CTTNBP2: variants seen among roughly 807,000 people sequenced by gnomAD.
CTTNBP2 encodes cortactin-binding protein 2.
In CTTNBP2, 108 loss-of-function variants were observed where a neutral mutation model predicts 156.9. The ratio of observed to expected loss-of-function variants is 0.69; its 90% CI spans 0.59 to 0.81. The LOEUF (loss-of-function observed/expected upper bound fraction) is 0.81. Ranked by LOEUF, CTTNBP2 falls within the 30% of genes least tolerant of loss-of-function variation. The pLI, the probability that CTTNBP2 is intolerant of heterozygous loss-of-function variation, is 0.00. For synonymous variants in CTTNBP2, 767 were observed against 751.8 expected (o/e 1.02, Z -0.33); for missense variants, 1,924 against 2,035.4 (o/e 0.95, Z 1.05).
At chr7:117,739,412 A>G (rs1432457702) in intron 14 of CTTNBP2, among the ~76,000 whole-genome samples, 3 of 152,066 alleles carry the variant, frequency 2.0e-5, no homozygotes, top group Non-Finnish European at 4.4e-5. Flanking sequence ...CCACTTCAAA[A>G]CGCTATTTCT....
chr7:117,791,278 G>A lies in CTTNBP2; in HGVS notation c.1918C>T (p.Pro640Ser). 6.2e-7 allele frequency: 1 copy of A among 1,614,160 alleles called. No individual in the cohort carries two copies. Among genetic ancestry groups the A allele is most frequent in the Non-Finnish European group, 8.5e-7 (1 of 1,180,022 alleles). The change falls in exon 4 of 23, where the codon CCT (proline) becomes TCT (serine). Residue 640 changes from proline (P) to serine (S), a missense_variant. Coordinates refer to ENST00000160373, the MANE Select transcript of CTTNBP2 (RefSeq NM_033427.3). ...ALATSQVGAW[P>S]AATPGLNQPA... ...TGGTTCAGTCCGGGGGTTGCAGCAGGCCAGGCACCCACCTGAGACGTGGCC... is the reference window on the plus strand; with the variant it reads ...TGGTTCAGTCCGGGGGTTGCAGCAGACCAGGCACCCACCTGAGACGTGGCC...
chr7:117,820,903 A>G (rs7810248), intron 2 of CTTNBP2, among the ~76,000 whole-genome samples: 89,205 of 151,976 alleles, frequency 0.59, 26,179 homozygotes, highest in East Asian at 0.71. Context: ...TTGGTAAGTC[A>G]TTTTATATTC....
Position 117,791,126 on chromosome 7 carries a change from A to G in CTTNBP2, c.2068+2T>C. 1 of 1,611,022 alleles carries G rather than the reference A, an allele frequency of 6.2e-7. No individual in the cohort carries two copies. Reference sequence around the variant, plus strand: ...AAGCGTATAACATTTCAATCCCTTTACCTGATGCTGTTACCAGGAGGCTGT... The same window carrying G: ...AAGCGTATAACATTTCAATCCCTTTGCCTGATGCTGTTACCAGGAGGCTGT... On this transcript the variant is annotated splice_donor_variant, in intron 4 of 22. Transcript: ENST00000160373. LOFTEE classifies it high-confidence loss of function.
chr7:117,740,542 G>C (rs1213654385), intron 14 of CTTNBP2, among the ~76,000 whole-genome samples: 5 of 152,154 alleles, frequency 3.3e-5, no homozygotes, highest in Admixed American at 6.5e-5. Context: ...TCAGGAATCA[G>C]TGTACTCTTC....
chr7:117,791,408 C>T lies in CTTNBP2; in HGVS notation c.1788G>A (p.Arg596=), dbSNP rs2116858614. 1 of 1,614,160 alleles carries T rather than the reference C, an allele frequency of 6.2e-7. No individual in the cohort carries two copies. Among genetic ancestry groups the T allele is most frequent in the South Asian group, 1.1e-5 (1 of 91,082 alleles). Residue 596 remains arginine (R), a synonymous_variant, in exon 4 of 23, where the codon AGG becomes AGA. Transcript: ENST00000160373. ...STPSSLPQGN[R]VINEENLPKS... ...TAGGAAGGTTCTCCTCATTGATCAC[C>T]CTGTTCCCTTGTGGCAAACTGGAAG...
At chr7:117,786,968 C>T (rs1245947331) in intron 4 of CTTNBP2, among the ~76,000 whole-genome samples, 1 of 151,904 alleles carries the variant, frequency 6.6e-6, no homozygotes, top group African/African-American at 2.4e-5. Context: ...TAGAGGTCTG[C>T]AATATATTTT....
At chr7:117,746,920 T>A (rs1310684200) in intron 12 of CTTNBP2, among the ~76,000 whole-genome samples, 1 of 152,196 alleles carries the variant, frequency 6.6e-6, no homozygotes, top group Non-Finnish European at 1.5e-5. Flanking sequence ...AGTTTCAGCA[T>A]GCACTTGGAT....
intron 12 of CTTNBP2, chr7:117,755,536 A>T: frequency 2.1e-6 from 1 of 470,518 alleles, no homozygotes; most frequent in South Asian, 1.6e-5. Flanking sequence ...TAGATGCATG[A>T]CTTTGAGCAT....
In CTTNBP2 at chr7:117,746,115, G is replaced by A. The variant is rs572292237; in HGVS notation, c.3349-16C>T. The A allele has an allele frequency of 1.3e-6, 2 of 1,587,580 alleles. No homozygotes were observed. The highest frequency in any genetic ancestry group is 1.7e-6 in the Non-Finnish European group (2 of 1,156,102). ...ATTGCTCAACCTATTAACAAACCAA[G>A]TAGAGAGCTAGGGTGAAGATGCTAA... On this transcript the variant is annotated splice_polypyrimidine_tract_variant and intron_variant, in intron 12 of 22. Transcript: ENST00000160373.
At chr7:117,738,791 TC>T (rs1224033854) in intron 14 of CTTNBP2, among the ~76,000 whole-genome samples, 1 of 152,100 alleles carries the variant, frequency 6.6e-6, no homozygotes, top group Non-Finnish European at 1.5e-5. Context: ...TGAGGAAGGA[TC>T]CAGGCTGGAG....
At chr7:117,842,406 T>C (rs1423023257) in intron 2 of CTTNBP2, among the ~76,000 whole-genome samples, 1 of 152,126 alleles carries the variant, frequency 6.6e-6, no homozygotes. Flanking sequence ...TTTCACCATG[T>C]TGGCCAGGCC....
chr7:117,811,064 T>C, intron 2 of CTTNBP2, 75 bp from the exon 3 acceptor site: 1 of 1,146,884 alleles, frequency 8.7e-7, no homozygotes, highest in East Asian at 2.5e-5. Flanking sequence ...GAAGGTTTTG[T>C]GATTATACTT....
intron 22 of CTTNBP2, among the ~76,000 whole-genome samples, chr7:117,715,517 T>TGCAACCAAAGATGTGAACTTGTC (rs1794302775): frequency 6.7e-6 from 1 of 149,938 alleles, no homozygotes; most frequent in Admixed American, 6.6e-5. Context: ...GATTTCATCA[T>TGCAACCAAAGATGTGAACTTGTC]GCAACCAAAG....
At chr7:117,734,701 C>T (rs186380596) in intron 16 of CTTNBP2, among the ~76,000 whole-genome samples, 24 of 152,330 alleles carry the variant, frequency 1.6e-4, no homozygotes, top group Non-Finnish European at 3.1e-4. Context: ...CAGCTGATAG[C>T]CACGGTAAAA....
rs769892311 is a variant in CTTNBP2 at position 117,719,786 on chromosome 7, A to G, written c.4512-150T>C. On this transcript the variant is annotated intron_variant, in intron 20 of 22. Coordinates refer to ENST00000160373, the MANE Select transcript of CTTNBP2 (RefSeq NM_033427.3). ...TATTTCATAAATGTCATTTAATGCA[A>G]GAAATTTCCACAGGATTTTGGTAAC... The G allele has an allele frequency of 6.8e-5, 39 of 574,654 alleles. 1 individual carries two copies. The highest frequency in any genetic ancestry group is 1.1e-4 in the Non-Finnish European group (37 of 348,090). The allele number at this position is 574,654 out of a possible 1,614,324, so 35.6% of individuals were successfully genotyped here.
At chr7:117,807,179 A>G (rs1279107394) in intron 3 of CTTNBP2, among the ~76,000 whole-genome samples, 1 of 152,152 alleles carries the variant, frequency 6.6e-6, no homozygotes, top group Non-Finnish European at 1.5e-5. Flanking sequence ...TGGGGAATCA[A>G]AATGCATTTT....
chr7:117,784,157 C>A, intron 5 of CTTNBP2, 94 bp downstream of exon 5: 3 of 920,828 alleles, frequency 3.3e-6, no homozygotes, highest in South Asian at 2.5e-5. Context: ...AAAAATAAAA[C>A]TAAATTGAAC....
At chr7:117,864,906 TATTC>T (rs1804057651) in intron 1 of CTTNBP2, among the ~76,000 whole-genome samples, 1 of 145,088 alleles carries the variant, frequency 6.9e-6, no homozygotes, top group Non-Finnish European at 1.5e-5. Flanking sequence ...TATTCATATA[TATTC>T]ATTCAATATA....
At chr7:117,872,764 C>A (rs1804704486) in intron 1 of CTTNBP2, among the ~76,000 whole-genome samples, 1 of 152,168 alleles carries the variant, frequency 6.6e-6, no homozygotes, top group South Asian at 2.1e-4. Context: ...GCCTCAGCGG[C>A]AGCAGCGCCC....
Sources: gnomAD v4.1 joint callset for allele counts (sites outside exome capture counted in the v4.1 genomes callset) on GRCh38, gnomAD v4.1.1 for gene constraint, MANE v1.5 for transcripts, NCBI Gene and HGNC (gene_info 2026-07-23, HGNC 2026-07-21) for gene names.